RP2: variants seen among roughly 807,000 people sequenced by gnomAD.
RP2 encodes RP2 activator of ARL3 GTPase.
Under a neutral mutation model 20.3 loss-of-function variants are expected in RP2, and 3 were observed. The ratio of observed to expected loss-of-function variants is 0.15; its 90% CI spans 0.07 to 0.38. RP2 has a LOEUF of 0.38. Among genes scored for constraint, RP2 ranks in the 10% least tolerant of loss-of-function variants. The pLI, the probability that RP2 is intolerant of heterozygous loss-of-function variation, is 1.00. For synonymous variants in RP2, 75 were observed against 94.8 expected (o/e 0.79, Z 1.22); for missense variants, 233 against 268.5 (o/e 0.87, Z 0.92).
chrX:46,879,885 GTTTA>G lies in RP2; in HGVS notation c.*120_*123del, dbSNP rs2147090297. The stretch of plus-strand genomic sequence containing the variant: ...TTTTACTAATGCTAAAACTTTTAAA[GTTTA>G]TTTTTTAATAAATTGTTGAGTATTA... On this transcript the variant is annotated 3_prime_UTR_variant, in exon 5 of 5. Transcript: ENST00000218340. The G allele has an allele frequency of 7.0e-6, 3 of 426,690 alleles. No individual in the cohort carries two copies. In the East Asian group the frequency reaches 1.2e-4, roughly 17 times the overall value. 35.2% of individuals were successfully genotyped at this position (426,690 alleles called of 1,213,427 possible).
At chrX:46,858,018 G>A (rs1218556609) in intron 2 of RP2, among the ~76,000 whole-genome samples, 2 of 111,914 alleles carry the variant, frequency 1.8e-5, no homozygotes, top group Non-Finnish European at 3.8e-5. Context: ...AATAAAATTC[G>A]ATGGAATGGT....
chrX:46,881,463 A>AT lies in RP2; in HGVS notation c.*1695dup. ...AAAGGGACTCCATCCTGTTATGATT[A>AT]TATTATTATTATTATTATTATTATT... On this transcript the variant is annotated 3_prime_UTR_variant, in exon 5 of 5. Coordinates refer to ENST00000218340, the MANE Select transcript of RP2 (RefSeq NM_006915.3). The AT allele has an allele frequency of 9.2e-6, 1 of 109,267 alleles. No individual in the cohort carries two copies. Among genetic ancestry groups the AT allele is most frequent in the East Asian group, 2.8e-4 (1 of 3,518 alleles). 9.0% of individuals were successfully genotyped at this position (109,267 alleles called of 1,213,427 possible).
intron 1 of RP2, among the ~76,000 whole-genome samples, chrX:46,837,881 C>T (rs1476333255): frequency 8.9e-6 from 1 of 112,088 alleles, no homozygotes; most frequent in Non-Finnish European, 1.9e-5. Flanking sequence ...CAGTATTTTA[C>T]TGCTGGTTTA....
chrX:46,844,570 G>T, intron 1 of RP2, among the ~76,000 whole-genome samples: 1 of 111,231 alleles, frequency 9.0e-6, no homozygotes, highest in East Asian at 2.8e-4. Flanking sequence ...TCTTAATCCA[G>T]TCTATCATTG....
At chrX:46,872,305 C>T (rs955839880) in intron 3 of RP2, among the ~76,000 whole-genome samples, 1 of 112,192 alleles carries the variant, frequency 8.9e-6, no homozygotes, top group Non-Finnish European at 1.9e-5. Context: ...CTTTTCAATC[C>T]AGTCTCTTTT....
At chrX:46,861,579 GA>G (rs1556320111) in intron 3 of RP2, among the ~76,000 whole-genome samples, 1 of 111,536 alleles carries the variant, frequency 9.0e-6, no homozygotes, top group Non-Finnish European at 1.9e-5. Flanking sequence ...ATGTAGTGCC[GA>G]ACCCCTGTAA....
At chrX:46,850,382 C>T (rs1017179288) in intron 1 of RP2, among the ~76,000 whole-genome samples, 3 of 112,136 alleles carry the variant, frequency 2.7e-5, no homozygotes, top group Non-Finnish European at 3.8e-5. Flanking sequence ...ATAGTCTCTC[C>T]GATCAATCCA....
intron 1 of RP2, among the ~76,000 whole-genome samples, chrX:46,839,442 C>T (rs1924573735): frequency 9.1e-6 from 1 of 110,355 alleles, no homozygotes; most frequent in African/African-American, 3.3e-5. Context: ...GTCCCAGCTA[C>T]TCAGTAGGCT....
chrX:46,848,759 T>G (rs1394350201), intron 1 of RP2, among the ~76,000 whole-genome samples: 2 of 109,512 alleles, frequency 1.8e-5, no homozygotes, highest in African/African-American at 6.6e-5. Flanking sequence ...CCAGACACGG[T>G]GGCGCATGCC....
chrX:46,837,446 A>G (rs1924535421), intron 1 of RP2, among the ~76,000 whole-genome samples: 1 of 109,574 alleles, frequency 9.1e-6, no homozygotes, highest in Non-Finnish European at 1.9e-5. Flanking sequence ...TGGTAGACAG[A>G]CTCCCCCGGG....
chrX:46,842,650 C>A (rs1924643559), intron 1 of RP2, among the ~76,000 whole-genome samples: 1 of 111,822 alleles, frequency 8.9e-6, no homozygotes, highest in Non-Finnish European at 1.9e-5. Flanking sequence ...TCTCCGAGCC[C>A]CTGGAAACCA....
chrX:46,853,148 AGGTGTCACTTG>A (rs1300055770), intron 1 of RP2, among the ~76,000 whole-genome samples: 1 of 111,706 alleles, frequency 9.0e-6, no homozygotes, highest in Non-Finnish European at 1.9e-5. Flanking sequence ...ATGATGATGT[AGGTGTCACTTG>A]GGTTAAGTCA....
At chrX:46,837,462 T>G (rs1924536244) in intron 1 of RP2, among the ~76,000 whole-genome samples, 1 of 111,574 alleles carries the variant, frequency 9.0e-6, no homozygotes, top group South Asian at 3.7e-4. Flanking sequence ...CCGGGAGCTT[T>G]CTCTGACTCC....
At chrX:46,855,746 C>T (rs1355024739) in intron 2 of RP2, among the ~76,000 whole-genome samples, 1 of 109,867 alleles carries the variant, frequency 9.1e-6, no homozygotes, top group African/African-American at 3.3e-5. Context: ...GGATTATAGG[C>T]GAGAGCCACC....
chrX:46,846,681 G>T (rs782087115), intron 1 of RP2, among the ~76,000 whole-genome samples: 13 of 111,839 alleles, frequency 1.2e-4, no homozygotes, highest in Middle Eastern at 8.4e-3. Context: ...GTATATGAGA[G>T]ATACAGTTGC....
chrX:46,837,428 T>G (rs1556313687), intron 1 of RP2, among the ~76,000 whole-genome samples: 3 of 111,581 alleles, frequency 2.7e-5, no homozygotes, highest in Admixed American at 9.5e-5. Flanking sequence ...CTTAGGAGTT[T>G]GTTGTCGTGG....
intron 3 of RP2, among the ~76,000 whole-genome samples, chrX:46,868,588 C>T (rs1186781355): frequency 1.8e-5 from 2 of 108,136 alleles, no homozygotes; most frequent in African/African-American, 3.4e-5. Flanking sequence ...AGTTCGAGAC[C>T]AGCCTGCCAA....
In RP2 at chrX:46,841,413, C is replaced by G. The variant is rs184936222; in HGVS notation, c.102+4211C>G. 3.3e-3 allele frequency among the ~76,000 whole-genome samples: 370 copies of G among 112,188 alleles called. 1 individual carries two copies. The highest frequency in any genetic ancestry group is 0.012 in the African/African-American group (356 of 30,869). On this transcript the variant is annotated intron_variant, in intron 1 of 4. Transcript: ENST00000218340. ...ATTTTGTTCATAACTCTTTAATTTG[C>G]ATAAGGTTAAGCAGGGTTGACTCTG... is the stretch of plus-strand genomic sequence containing the variant.
intron 1 of RP2, among the ~76,000 whole-genome samples, chrX:46,847,765 CAT>C (rs373659680): frequency 0.018 from 1,387 of 78,340 alleles, 28 homozygotes; most frequent in African/African-American, 0.05. Flanking sequence ...TATATACACA[CAT>C]GTGTGTGTGT....
Sources: gnomAD v4.1 joint callset for allele counts (sites outside exome capture counted in the v4.1 genomes callset) on GRCh38, gnomAD v4.1.1 for gene constraint, MANE v1.5 for transcripts, NCBI Gene and HGNC (gene_info 2026-07-23, HGNC 2026-07-21) for gene names.